Variants in USP42 observed in about 807,000 individuals in gnomAD.
USP42 encodes ubiquitin carboxyl-terminal hydrolase 42.
USP42 carries 23 observed loss-of-function variants against 113.0 expected under a neutral mutation model. That is an observed-to-expected ratio of 0.20 (90% confidence interval 0.15 to 0.29). The LOEUF (loss-of-function observed/expected upper bound fraction) is 0.29, where lower values mean the gene tolerates loss of function less well. Ranked by LOEUF, USP42 falls within the 10% of genes least tolerant of loss-of-function variation. The pLI, the probability that USP42 is intolerant of heterozygous loss-of-function variation, is 1.00. For synonymous variants in USP42, 933 were observed against 699.0 expected, an observed-to-expected ratio of 1.33 and a Z score of -5.28; for missense variants, 2,174 against 1,779.8, an observed-to-expected ratio of 1.22 and a Z score of -3.99.
At chr7:6,089,676 G>T in the USP42 span, among the ~76,000 whole-genome samples, 43 of 150,014 alleles carry the variant, frequency 2.9e-4, no homozygotes, top group Non-Finnish European at 1.5e-5. Context: ...GGGATTACAG[G>T]CATGCACCAC....
chr7:6,141,041 CTG>C (rs1008091547), intron 7 of USP42, 57 bp downstream of exon 7: 30 of 876,920 alleles, frequency 3.4e-5, no homozygotes, highest in East Asian at 8.0e-5. Context: ...TTTTATGTAA[CTG>C]TAGTTCATTT....
At chr7:6,102,580 G>T (rs1435842103), upstream of USP42, among the ~76,000 whole-genome samples, 8 of 150,536 alleles carry the variant, frequency 5.3e-5, no homozygotes, top group South Asian at 1.7e-3. Context: ...GGGCAACATA[G>T]CGAGCCCGTC....
Position 6,154,224 on chromosome 7 carries a change from G to A in USP42, c.2670G>A (p.Leu890=), listed in dbSNP as rs1782264445. Residue 890 remains leucine, a synonymous_variant, in exon 15 of 18, where the codon TTG becomes TTA. Transcript: ENST00000306177. Reference sequence around the variant, plus strand: ...ACGCTCAGGACCCATCCCAGAGCTTGGGCGCACCCGAGGCCGCAGAGCGGC... The same window carrying A: ...ACGCTCAGGACCCATCCCAGAGCTTAGGCGCACCCGAGGCCGCAGAGCGGC... ...ARDAQDPSQS[L]GAPEAAERPP... is the part of the protein sequence containing the mutation. 1 of 1,606,814 alleles carries A rather than the reference G, an allele frequency of 6.2e-7. No homozygotes were observed. The highest frequency in any genetic ancestry group is 8.5e-7 in the Non-Finnish European group (1 of 1,178,874).
intron 2 of USP42, among the ~76,000 whole-genome samples, chr7:6,112,900 CTTTTTTT>C (rs34002709): frequency 1.6e-4 from 16 of 102,768 alleles, no homozygotes; most frequent in South Asian, 3.2e-4. Flanking sequence ...TAGTAAGTTT[CTTTTTTT>C]TTTTTTTTTT....
chr7:6,123,936 C>T (rs1347207658), intron 3 of USP42, among the ~76,000 whole-genome samples: 1 of 151,252 alleles, frequency 6.6e-6, no homozygotes, highest in Non-Finnish European at 1.5e-5. Flanking sequence ...AGTGCACTGG[C>T]ATGATCTTGG....
Position 6,154,683 on chromosome 7 carries a change from C to T in USP42, c.3129C>T (p.Gly1043=), listed in dbSNP as rs1398718252. Residue 1043 remains glycine, a synonymous_variant, in exon 15 of 18, where the codon GGC becomes GGT. Transcript: ENST00000306177. ...VRHHYTEGER[G]WGREKFYPDR... Reference sequence around the variant, plus strand: ...ACCACTACACCGAGGGCGAGCGTGGCTGGGGCCGGGAGAAGTTCTACCCCG... The same window carrying T: ...ACCACTACACCGAGGGCGAGCGTGGTTGGGGCCGGGAGAAGTTCTACCCCG... 5 of 1,604,784 alleles carry T rather than the reference C, an allele frequency of 3.1e-6. No individual in the cohort carries two copies. The highest frequency in any genetic ancestry group is 1.1e-5 in the South Asian group (1 of 89,568).
chr7:6,083,804 C>T, the USP42 span, among the ~76,000 whole-genome samples: 1 of 150,470 alleles, frequency 6.6e-6, no homozygotes, highest in African/African-American at 2.5e-5. Context: ...CTTTTTTTCC[C>T]CTTCCTTACT....
Position 6,111,260 on chromosome 7 carries a change from T to G in USP42, c.127T>G (p.Ser43Ala). The G allele has an allele frequency of 6.2e-7, 1 of 1,608,394 alleles. No homozygotes were observed. The highest frequency in any genetic ancestry group is 8.5e-7 in the Non-Finnish European group (1 of 1,177,114). Residue 43 changes from serine (S) to alanine (A), a missense_variant, in exon 2 of 18, where the codon TCA (serine) becomes GCA (alanine). Physicochemically the swap from Ser to Ala is moderately conservative, Grantham distance 99. Transcript: ENST00000306177. ...AGSASWGAVS[S>A]LNDVSNHTLS... ...TTCTGCCAGCTGGGGTGCTGTGTCT[T>G]CATTGAATGATGTGTCAAATCACAC...
chr7:6,120,437 T>C (rs1359150826), intron 3 of USP42, among the ~76,000 whole-genome samples: 3 of 152,148 alleles, frequency 2.0e-5, no homozygotes, highest in Non-Finnish European at 4.4e-5. Flanking sequence ...GAGATGGGGT[T>C]TCACAGTGTT....
intron 3 of USP42, among the ~76,000 whole-genome samples, chr7:6,119,734 C>T (rs1780107918): frequency 6.6e-6 from 1 of 151,964 alleles, no homozygotes; most frequent in African/African-American, 2.4e-5. Context: ...GACATTCTTG[C>T]TCTGTTGCCC....
At position 6,161,123 on chromosome 7, in the gene USP42, A is replaced by G. The variant is rs971155476; in HGVS notation, c.*605A>G. On this transcript the variant is annotated 3_prime_UTR_variant, in exon 18 of 18. Coordinates refer to ENST00000306177, the MANE Select transcript of USP42 (RefSeq NM_032172.3). ...TTTGTGGAACTGTTCCAATCAATCA[A>G]TTTCCCAGTTATGATGAGTATTTAC... 9 of 152,542 alleles carry G rather than the reference A, an allele frequency of 5.9e-5. No individual in the cohort carries two copies. Among genetic ancestry groups the G allele is most frequent in the Admixed American group, 1.3e-4 (2 of 15,282 alleles). 9.4% of individuals were successfully genotyped at this position (152,542 alleles called of 1,614,324 possible). A position where few individuals can be genotyped will look rare whatever the true frequency, so the allele number is the denominator to read the frequency against.
rs1011932759 is a variant in USP42, at chr7:6,110,293, G to A, written c.-9-832G>A. ...TGGCTCTCAGTCCCAGTTGCTGACT[G>A]GTTGCTTCATTTTATAGGCCCTGGG... is the stretch of plus-strand genomic sequence containing the variant. On this transcript the variant is annotated intron_variant, in intron 1 of 17. Coordinates refer to ENST00000306177, the MANE Select transcript of USP42 (RefSeq NM_032172.3). Among the ~76,000 whole-genome samples, 9 of 152,160 alleles carry A rather than the reference G, an allele frequency of 5.9e-5. 1 individual carries two copies. The highest frequency in any genetic ancestry group is 2.1e-4 in the South Asian group (1 of 4,832).
At position 6,140,119 on chromosome 7, in the gene USP42, G is replaced by T. The variant is rs1781359983; in HGVS notation, c.657-9G>T. The T allele has an allele frequency of 1.2e-6, 2 of 1,613,584 alleles. No homozygotes were observed. The highest frequency in any genetic ancestry group is 1.7e-5 in the Admixed American group (1 of 59,996). On this transcript the variant is annotated splice_polypyrimidine_tract_variant and intron_variant, in intron 5 of 17. Transcript: ENST00000306177. ...CTCTTCTCTCATGTCACTGTTCAACGTTTTTCAGATTAGACAGACACACCC... is the reference window on the plus strand; with the variant it reads ...CTCTTCTCTCATGTCACTGTTCAACTTTTTTCAGATTAGACAGACACACCC...
the USP42 span, among the ~76,000 whole-genome samples, chr7:6,094,362 G>T: frequency 6.0e-5 from 9 of 150,316 alleles, 1 homozygote; most frequent in African/African-American, 2.0e-4. Flanking sequence ...GTAGAGTCAG[G>T]GTCTCCCTAT....
At chr7:6,110,989 A>G (rs190765486) in intron 1 of USP42, 136 bp from the exon 2 acceptor site, 31 of 834,324 alleles carry the variant, frequency 3.7e-5, no homozygotes, top group Admixed American at 1.8e-4. Flanking sequence ...AGAAAGTACT[A>G]TTGTTTTTAT....
chr7:6,097,187 G>C, the USP42 span, among the ~76,000 whole-genome samples: 1 of 150,964 alleles, frequency 6.6e-6, no homozygotes, highest in Non-Finnish European at 1.5e-5. Flanking sequence ...AGCCACCTCG[G>C]GGTACCACTT....
At chr7:6,098,274 CAA>C in the USP42 span, among the ~76,000 whole-genome samples, 19 of 150,236 alleles carry the variant, frequency 1.3e-4, 1 homozygote, top group Admixed American at 6.6e-5. Context: ...GCATCCTTGA[CAA>C]AGTGTGAGAT....
At chr7:6,131,525 C>A (rs573252062) in intron 3 of USP42, among the ~76,000 whole-genome samples, 1 of 152,140 alleles carries the variant, frequency 6.6e-6, no homozygotes, top group African/African-American at 2.4e-5. Flanking sequence ...GAAAAAAATA[C>A]ACACAGAAGC....
chr7:6,082,275 C>T, the USP42 span, among the ~76,000 whole-genome samples: 1 of 151,846 alleles, frequency 6.6e-6, no homozygotes, highest in Non-Finnish European at 1.5e-5. Flanking sequence ...ACTACAGGTG[C>T]CCGCCACCAG....
Sources: gnomAD v4.1 joint callset for allele counts (sites outside exome capture counted in the v4.1 genomes callset) on GRCh38, gnomAD v4.1.1 for gene constraint, MANE v1.5 for transcripts, NCBI Gene and HGNC (gene_info 2026-07-23, HGNC 2026-07-21) for gene names.